SRGAP1: variants seen among roughly 807,000 people sequenced by gnomAD.
The protein encoded by SRGAP1 is SLIT-ROBO Rho GTPase activating protein 1, also known as SLIT-ROBO Rho GTPase-activating protein 1.
SRGAP1 carries 43 observed loss-of-function variants against 121.9 expected under a neutral mutation model. The observed-to-expected ratio is 0.35, with a 90% CI of 0.28 to 0.46. The LOEUF is 0.46. SRGAP1 is among the 20% of genes least tolerant of loss of function. The pLI, the probability that SRGAP1 is intolerant of heterozygous loss-of-function variation, is 1.00. For synonymous variants in SRGAP1, 447 were observed against 485.4 expected, an observed-to-expected ratio of 0.92 and a Z score of 1.04; for missense variants, 1,102 against 1,350.9, an observed-to-expected ratio of 0.82 and a Z score of 2.89.
chr12:63,996,227 A>G (rs1272060691), intron 3 of SRGAP1, among the ~76,000 whole-genome samples: 3 of 152,086 alleles, frequency 2.0e-5, no homozygotes, highest in African/African-American at 7.2e-5. Context: ...TTCACTATTT[A>G]TATGTGTATA....
chr12:64,062,303 T>C (rs1192467101), intron 6 of SRGAP1, among the ~76,000 whole-genome samples: 1 of 152,204 alleles, frequency 6.6e-6, no homozygotes, highest in Non-Finnish European at 1.5e-5. Context: ...ATATTAAGCA[T>C]CTCCTCATGT....
chr12:64,142,275 T>G lies in SRGAP1; in HGVS notation c.2881-20T>G, dbSNP rs2036977232. On this transcript the variant is annotated intron_variant, in intron 21 of 21. Transcript: ENST00000355086. Reference sequence around the variant, plus strand: ...CATTATCAGTCTGTGCTTTCTCTCTTTCCGATTATTCTTCAATAGGATATT... The same window carrying G: ...CATTATCAGTCTGTGCTTTCTCTCTGTCCGATTATTCTTCAATAGGATATT... 1 of 1,605,478 alleles carries G rather than the reference T, an allele frequency of 6.2e-7. No homozygotes were observed. The highest frequency in any genetic ancestry group is 8.5e-7 in the Non-Finnish European group (1 of 1,174,210).
At chr12:64,010,593 G>C (rs2034223734) in intron 3 of SRGAP1, among the ~76,000 whole-genome samples, 1 of 152,070 alleles carries the variant, frequency 6.6e-6, no homozygotes, top group African/African-American at 2.4e-5. Flanking sequence ...TGTACCTCCA[G>C]GGTGCCAAGC....
chr12:64,041,768 G>C (rs2035029685), intron 4 of SRGAP1, among the ~76,000 whole-genome samples: 2 of 152,020 alleles, frequency 1.3e-5, no homozygotes, highest in East Asian at 1.9e-4. Flanking sequence ...GTGTACATGT[G>C]TGTATGTGTG....
chr12:63,850,596 A>ATTT (rs34957489), intron 1 of SRGAP1, among the ~76,000 whole-genome samples: 2 of 124,306 alleles, frequency 1.6e-5, no homozygotes, highest in Non-Finnish European at 3.4e-5. Flanking sequence ...ATACCTGGCT[A>ATTT]TTTTTTTTTT....
chr12:64,045,655 C>T (rs1235539669), intron 6 of SRGAP1, among the ~76,000 whole-genome samples: 1 of 151,998 alleles, frequency 6.6e-6, no homozygotes. Context: ...AGGCTGGTCT[C>T]GAACTCCTGA....
intron 4 of SRGAP1, among the ~76,000 whole-genome samples, chr12:64,023,391 T>C (rs758018084): frequency 6.6e-6 from 1 of 152,256 alleles, no homozygotes; most frequent in Non-Finnish European, 1.5e-5. Flanking sequence ...AAAGAGGTCA[T>C]ATGAAACGGG....
chr12:64,109,021 T>A lies in SRGAP1; in HGVS notation c.1903T>A (p.Phe635Ile). The change falls in exon 16 of 22, where the codon TTT (phenylalanine) becomes ATT (isoleucine). Residue 635 changes from phenylalanine (F) to isoleucine (I), a missense_variant. Physicochemically the swap from Phe to Ile is conservative, Grantham distance 21. Coordinates refer to ENST00000355086, the MANE Select transcript of SRGAP1 (RefSeq NM_020762.4). ...GGTCCTTATAGTGATGAGGTACCTC[T>A]TTGCCTTCCTCAATCAGTAAGTACC... is the stretch of plus-strand genomic sequence containing the variant. ...RSVLIVMRYL[F>I]AFLNHLSQYS... is the part of the protein sequence containing the mutation. The A allele has an allele frequency of 1.3e-6, 2 of 1,563,900 alleles. No homozygotes were observed. The highest frequency in any genetic ancestry group is 2.7e-5 in the African/African-American group (2 of 74,312).
At chr12:63,995,079 A>G (rs1290256638) in intron 3 of SRGAP1, among the ~76,000 whole-genome samples, 3 of 152,234 alleles carry the variant, frequency 2.0e-5, no homozygotes, top group Non-Finnish European at 2.9e-5. Context: ...GTTTGGAGGT[A>G]TACCATCAAA....
intron 1 of SRGAP1, among the ~76,000 whole-genome samples, chr12:63,969,532 A>G (rs935800802): frequency 6.6e-6 from 1 of 152,106 alleles, no homozygotes; most frequent in African/African-American, 2.4e-5. Flanking sequence ...AGTGGCTCAC[A>G]CCTGTAATCC....
intron 4 of SRGAP1, among the ~76,000 whole-genome samples, chr12:64,025,986 C>G (rs993999206): frequency 6.6e-6 from 1 of 152,008 alleles, no homozygotes; most frequent in Non-Finnish European, 1.5e-5. Flanking sequence ...TCAGTGATGC[C>G]AACTGCTTCC....
At chr12:64,111,656 AAAGTTG>A (rs1255826189) in intron 16 of SRGAP1, 100 bp from the exon 17 acceptor site, 28 of 985,666 alleles carry the variant, frequency 2.8e-5, no homozygotes, top group Non-Finnish European at 3.4e-5. Context: ...GAGCCAACTT[AAAGTTG>A]AAGTATCTTA....
chr12:63,982,702 C>G (rs1373043209), intron 1 of SRGAP1: 1 of 152,208 alleles, frequency 6.6e-6, no homozygotes, highest in African/African-American at 2.4e-5. Flanking sequence ...TGCACGGACA[C>G]TGGGAAAGAT....
intron 1 of SRGAP1, among the ~76,000 whole-genome samples, chr12:63,891,770 T>G (rs2136297216): frequency 6.6e-6 from 1 of 152,200 alleles, no homozygotes; most frequent in East Asian, 1.9e-4. Flanking sequence ...GAGGATCACT[T>G]GAGGCCAGGA....
chr12:64,114,401 G>A (rs781020131), intron 17 of SRGAP1, among the ~76,000 whole-genome samples: 16 of 141,214 alleles, frequency 1.1e-4, no homozygotes, highest in Admixed American at 2.2e-4. Context: ...GCGCCATGGC[G>A]CAATCTTGAC....
intron 18 of SRGAP1, among the ~76,000 whole-genome samples, chr12:64,124,932 A>G (rs1403357974): frequency 6.6e-6 from 1 of 152,108 alleles, no homozygotes; most frequent in African/African-American, 2.4e-5. Flanking sequence ...AATGATACAA[A>G]CCATTCACTA....
chr12:64,030,881 G>A (rs1045815875), intron 4 of SRGAP1, among the ~76,000 whole-genome samples: 1 of 152,190 alleles, frequency 6.6e-6, no homozygotes, highest in Non-Finnish European at 1.5e-5. Context: ...GATGAGTTAT[G>A]GCCTTGGAGC....
rs139218033 is a variant in SRGAP1 at position 64,078,894 on chromosome 12, G to C, written c.1126-25G>C. The C allele has an allele frequency of 1.1e-4, 169 of 1,604,352 alleles. No homozygotes were observed. The African/African-American group carries it at 1.9e-3, about 18-fold the overall frequency. On this transcript the variant is annotated intron_variant, in intron 8 of 21. Transcript: ENST00000355086. The stretch of plus-strand genomic sequence containing the variant: ...GGGATTCATGAAATAATGTACTAAC[G>C]TGAGAAATGTATTTCTATTCCCAGG...
At chr12:63,917,153 C>G (rs907420968) in intron 1 of SRGAP1, among the ~76,000 whole-genome samples, 1 of 152,086 alleles carries the variant, frequency 6.6e-6, no homozygotes, top group Non-Finnish European at 1.5e-5. Context: ...GGCAGTTATG[C>G]AGATTAAATG....
Sources: allele counts gnomAD v4.1 joint callset (sites outside exome capture counted in the v4.1 genomes callset), GRCh38; gene constraint gnomAD v4.1.1; transcripts MANE v1.5; gene names NCBI Gene and HGNC (gene_info 2026-07-23, HGNC 2026-07-21).